TRAPPC9: variants seen among roughly 807,000 people sequenced by gnomAD.
TRAPPC9 encodes IKK2 binding protein.
A neutral mutation model predicts 124.0 loss-of-function variants in TRAPPC9; 83 were observed. The ratio of observed to expected loss-of-function variants is 0.67; its 90% CI spans 0.56 to 0.80. TRAPPC9 has a LOEUF of 0.80. Ranked by LOEUF, TRAPPC9 falls within the 30% of genes least tolerant of loss-of-function variation. TRAPPC9 has a pLI of 0.00. For synonymous variants in TRAPPC9, 638 were observed against 617.5 expected (o/e 1.03, Z -0.49); for missense variants, 1,302 against 1,508.3 (o/e 0.86, Z 2.27).
intron 19 of TRAPPC9, among the ~76,000 whole-genome samples, chr8:139,949,720 A>G (rs1834514622): frequency 6.6e-6 from 1 of 150,562 alleles, no homozygotes; most frequent in Non-Finnish European, 1.5e-5. Flanking sequence ...AAGTAGATCA[A>G]TGGTTGCCTA....
chr8:140,201,447 C>T (rs1293771001), intron 17 of TRAPPC9, among the ~76,000 whole-genome samples: 51 of 152,172 alleles, frequency 3.4e-4, no homozygotes, highest in Admixed American at 3.3e-3. Flanking sequence ...AAGGATACTG[C>T]CTCCACTGAT....
chr8:140,022,944 C>A (rs969653574), intron 18 of TRAPPC9, among the ~76,000 whole-genome samples: 4 of 152,214 alleles, frequency 2.6e-5, no homozygotes, highest in African/African-American at 9.7e-5. Flanking sequence ...AAAGCTGTAT[C>A]ATTTTCAAGG....
intron 21 of TRAPPC9, among the ~76,000 whole-genome samples, chr8:139,803,788 T>TTTCTCAGAA (rs1427812325): frequency 6.6e-6 from 1 of 152,194 alleles, no homozygotes; most frequent in African/African-American, 2.4e-5. Flanking sequence ...TCTAGTTTCT[T>TTTCTCAGAA]TTCTCAGAAT....
chr8:140,106,935 G>C (rs887865961), intron 17 of TRAPPC9, among the ~76,000 whole-genome samples: 2 of 152,122 alleles, frequency 1.3e-5, no homozygotes, highest in African/African-American at 4.8e-5. Flanking sequence ...ATAAACATTT[G>C]CAAACGTTTA....
Position 139,885,922 on chromosome 8 carries a change from G to A in TRAPPC9, c.3012C>T (p.Asn1004=), listed in dbSNP as rs148805943. Residue 1004 remains asparagine, a synonymous_variant, in exon 21 of 23, where the codon AAC becomes AAT. Coordinates refer to ENST00000438773, the MANE Select transcript of TRAPPC9 (RefSeq NM_001160372.4). ...SGEASVEGLL[N]QLVLEHLQLA... Reference sequence around the variant, plus strand: ...GCTGCAGGTGCTCCAGGACGAGCTGGTTCAGGAGTCCTTCCACACTCGCCT... The same window carrying A: ...GCTGCAGGTGCTCCAGGACGAGCTGATTCAGGAGTCCTTCCACACTCGCCT... 3,407 of 1,574,250 alleles carry A rather than the reference G, an allele frequency of 2.2e-3. 7 individuals carry two copies. The highest frequency in any genetic ancestry group is 2.4e-3 in the Non-Finnish European group (2,829 of 1,159,188).
intron 17 of TRAPPC9, among the ~76,000 whole-genome samples, chr8:140,100,915 C>T (rs2060567279): frequency 6.6e-6 from 1 of 152,210 alleles, no homozygotes; most frequent in African/African-American, 2.4e-5. Context: ...GTTACAGGGC[C>T]TTCTCGCTTT....
At chr8:139,735,180 A>G (rs1034254091) in intron 21 of TRAPPC9, among the ~76,000 whole-genome samples, 1 of 152,120 alleles carries the variant, frequency 6.6e-6, no homozygotes, top group African/African-American at 2.4e-5. Flanking sequence ...GCTTCTATCT[A>G]TGGGACCCCA....
intron 19 of TRAPPC9, among the ~76,000 whole-genome samples, chr8:139,945,126 AAAT>A (rs778538666): frequency 7.2e-5 from 11 of 152,116 alleles, no homozygotes; most frequent in Non-Finnish European, 1.5e-4. Context: ...TCCATCTCAA[AAAT>A]AATAATAATA....
intron 17 of TRAPPC9, among the ~76,000 whole-genome samples, chr8:140,204,479 G>T (rs888090665): frequency 1.5e-5 from 2 of 134,926 alleles, no homozygotes; most frequent in Non-Finnish European, 3.2e-5. Flanking sequence ...GTCGTTGGGT[G>T]GGGGGAGGGG....
chr8:140,262,175 A>G (rs1441154704), intron 15 of TRAPPC9, among the ~76,000 whole-genome samples: 3 of 152,148 alleles, frequency 2.0e-5, no homozygotes, highest in Non-Finnish European at 2.9e-5. Context: ...TTAATCCTGA[A>G]AGCCTGTGAA....
intron 10 of TRAPPC9, among the ~76,000 whole-genome samples, chr8:140,307,761 T>A (rs1257632971): frequency 2.6e-5 from 4 of 152,152 alleles, no homozygotes; most frequent in African/African-American, 9.7e-5. Context: ...CATTTTTGCT[T>A]CCCTATTAAG....
intron 19 of TRAPPC9, among the ~76,000 whole-genome samples, chr8:139,971,792 CATATATAT>C (rs1168384406): frequency 7.0e-3 from 110 of 15,672 alleles, no homozygotes; most frequent in African/African-American, 0.023. Flanking sequence ...CATATATACA[CATATATAT>C]ATACATATAT....
intron 17 of TRAPPC9, among the ~76,000 whole-genome samples, chr8:140,077,776 C>A (rs1296350596): frequency 1.3e-5 from 2 of 152,100 alleles, no homozygotes; most frequent in Non-Finnish European, 2.9e-5. Context: ...GAAAGCAATG[C>A]AGGCGGAAGA....
intron 12 of TRAPPC9, among the ~76,000 whole-genome samples, 166 bp downstream of exon 12, chr8:140,290,827 A>G (rs1382177722): frequency 6.6e-6 from 1 of 152,274 alleles, no homozygotes; most frequent in Non-Finnish European, 1.5e-5. Flanking sequence ...AGACACAGGA[A>G]TAACAAAACA....
chr8:140,015,048 T>C (rs1158376277), intron 18 of TRAPPC9, among the ~76,000 whole-genome samples: 1 of 152,240 alleles, frequency 6.6e-6, no homozygotes, highest in Admixed American at 6.5e-5. Flanking sequence ...CTCACATCCA[T>C]TTGTATTTTG....
chr8:140,155,344 T>C (rs1587821867), intron 17 of TRAPPC9, among the ~76,000 whole-genome samples: 1 of 151,898 alleles, frequency 6.6e-6, no homozygotes, highest in African/African-American at 2.4e-5. Flanking sequence ...AAGCTGCGGG[T>C]GGTAGCTACG....
chr8:139,953,824 A>G (rs1385792007), intron 19 of TRAPPC9, among the ~76,000 whole-genome samples: 1 of 152,206 alleles, frequency 6.6e-6, no homozygotes, highest in Non-Finnish European at 1.5e-5. Flanking sequence ...AAAATATATC[A>G]CTATATACAA....
At chr8:139,740,068 G>A (rs1227488104) in intron 21 of TRAPPC9, among the ~76,000 whole-genome samples, 1 of 152,198 alleles carries the variant, frequency 6.6e-6, no homozygotes, top group Non-Finnish European at 1.5e-5. Flanking sequence ...CGTCCTGAAT[G>A]AGGACTCTAG....
At chr8:140,280,531 C>T (rs1459691375) in intron 14 of TRAPPC9, among the ~76,000 whole-genome samples, 2 of 152,038 alleles carry the variant, frequency 1.3e-5, no homozygotes, top group African/African-American at 2.4e-5. Flanking sequence ...CAGGTTCAAG[C>T]GATTCTCCTG....
Sources: gnomAD v4.1 joint callset for allele counts (sites outside exome capture counted in the v4.1 genomes callset) on GRCh38, gnomAD v4.1.1 for gene constraint, MANE v1.5 for transcripts, NCBI Gene and HGNC (gene_info 2026-07-23, HGNC 2026-07-21) for gene names.